KCNAB2: variants seen among roughly 807,000 people sequenced by gnomAD.
KCNAB2 encodes voltage-gated potassium channel subunit beta-2.
KCNAB2 carries 29 observed loss-of-function variants against 63.6 expected under a neutral mutation model. That is an observed-to-expected ratio of 0.46 (90% confidence interval 0.34 to 0.62). KCNAB2 has a LOEUF of 0.62. Among genes scored for constraint, KCNAB2 ranks in the 20% least tolerant of loss-of-function variants. KCNAB2 has a pLI of 0.01. For synonymous variants in KCNAB2, 222 were observed against 224.2 expected, an observed-to-expected ratio of 0.99 and a Z score of 0.09; for missense variants, 359 against 563.9, an observed-to-expected ratio of 0.64 and a Z score of 3.68.
intron 10 of KCNAB2, among the ~76,000 whole-genome samples, chr1:6,092,371 G>T (rs945145767): frequency 6.6e-6 from 1 of 152,346 alleles, no homozygotes; most frequent in African/African-American, 2.4e-5. Context: ...CGTCAGCCCC[G>T]TCTCTCCATC....
At chr1:6,090,522 G>A in intron 9 of KCNAB2, 47 bp downstream of exon 9, 1 of 1,471,226 alleles carries the variant, frequency 6.8e-7, no homozygotes, top group Non-Finnish European at 9.4e-7. Flanking sequence ...GGCGGGGTCT[G>A]AAGGGTCTGA....
chr1:6,032,419 A>C (rs953453069), upstream of KCNAB2, among the ~76,000 whole-genome samples: 1 of 152,168 alleles, frequency 6.6e-6, no homozygotes, highest in Middle Eastern at 3.2e-3. Flanking sequence ...TCTACTAAAA[A>C]TACAAGAATT....
In KCNAB2 at chr1:6,028,955, G is replaced by A. The variant is rs1470935624; in HGVS notation, c.-52-11562G>A. On this transcript the variant is annotated intron_variant, in intron 1 of 16. Coordinates refer to the KCNAB2 transcript ENST00000341524. This position sits in a 1 kb window ranked among gnomAD's most constrained non-coding sequence, Gnocchi z 4.0. ...GGATGCAGCCACAGAAAGCCTAAGC[G>A]CCACAAGTCCCGCCATGACGCCCTG... is the stretch of plus-strand genomic sequence containing the variant. 1.3e-5 allele frequency among the ~76,000 whole-genome samples: 2 copies of A among 152,192 alleles called. No homozygotes were observed. The highest frequency in any genetic ancestry group is 4.8e-5 in the African/African-American group (2 of 41,436).
At chr1:6,052,495 G>A (rs1294506120) in intron 2 of KCNAB2, among the ~76,000 whole-genome samples, 7 of 152,048 alleles carry the variant, frequency 4.6e-5, no homozygotes, top group Non-Finnish European at 7.3e-5. Context: ...TCTCCATGGG[G>A]AAAAATGTGT....
chr1:6,018,800 C>G (rs1188823976), intron 1 of KCNAB2: 1 of 152,136 alleles, frequency 6.6e-6, no homozygotes, highest in Non-Finnish European at 1.5e-5. Flanking sequence ...CCTCCAGCAC[C>G]GTGAGACAGA....
intron 1 of KCNAB2, among the ~76,000 whole-genome samples, chr1:6,009,321 G>T (rs111680217): frequency 1.8e-3 from 279 of 152,356 alleles, no homozygotes; most frequent in African/African-American, 6.3e-3. Context: ...CCAGCAGATC[G>T]CTGGGTACAT....
At chr1:6,002,341 A>G (rs1397739232) in intron 1 of KCNAB2, among the ~76,000 whole-genome samples, 1 of 152,254 alleles carries the variant, frequency 6.6e-6, no homozygotes, top group East Asian at 1.9e-4. Flanking sequence ...GCAGTGCCCA[A>G]GGGAGGCCAG....
At chr1:6,012,699 A>T (rs1658256974) in intron 1 of KCNAB2, among the ~76,000 whole-genome samples, 1 of 150,004 alleles carries the variant, frequency 6.7e-6, no homozygotes, top group Non-Finnish European at 1.5e-5. Flanking sequence ...GGTGGAGGTG[A>T]TGAAGGTGGA....
chr1:6,073,242 C>G lies in KCNAB2; in HGVS notation c.262+444C>G, dbSNP rs1054405479. Among the ~76,000 whole-genome samples the G allele has an allele frequency of 6.6e-6, 1 of 152,100 alleles. No homozygotes were observed. Among genetic ancestry groups the G allele is most frequent in the Non-Finnish European group, 1.5e-5 (1 of 68,012 alleles). ...TCCAGAATGTGCAGTCCCCACCTCC[C>G]CTCTGCATGCAGTACACACACCCCC... On this transcript the variant is annotated intron_variant, in intron 3 of 15. Coordinates refer to ENST00000378083, the MANE Select transcript of KCNAB2 (RefSeq NM_001199862.2). The surrounding 1 kb of genome is among the most constrained non-coding windows in gnomAD (Gnocchi z 5.7).
At chr1:6,084,999 G>C (rs991485516) in intron 5 of KCNAB2, among the ~76,000 whole-genome samples, 20 of 152,160 alleles carry the variant, frequency 1.3e-4, no homozygotes, top group African/African-American at 3.9e-4. Flanking sequence ...CCATCCTAGT[G>C]GGGGGCAATA....
intron 1 of KCNAB2, among the ~76,000 whole-genome samples, chr1:5,999,239 G>A (rs79884171): frequency 0.045 from 6,822 of 152,268 alleles, 251 homozygotes; most frequent in African/African-American, 0.1. Flanking sequence ...GGGCCTGGGT[G>A]GGCCGAGGGT....
At chr1:6,016,290 T>C (rs1386678467) in intron 1 of KCNAB2, among the ~76,000 whole-genome samples, 1 of 152,070 alleles carries the variant, frequency 6.6e-6, no homozygotes, top group Non-Finnish European at 1.5e-5. Context: ...GAGGGGTGGG[T>C]GGGACTCCAC....
chr1:6,079,213 T>A (rs1289909856), intron 4 of KCNAB2, among the ~76,000 whole-genome samples: 1 of 143,966 alleles, frequency 6.9e-6, no homozygotes, highest in African/African-American at 2.6e-5. Context: ...CCACCCACTC[T>A]CTCCTTGCCT....
chr1:6,083,974 C>T (rs966753759), intron 5 of KCNAB2, among the ~76,000 whole-genome samples: 2 of 152,208 alleles, frequency 1.3e-5, no homozygotes, highest in East Asian at 1.9e-4. Flanking sequence ...CTCCTCCTTT[C>T]CTGATCCCCA....
rs774323815 is a variant in KCNAB2, at chr1:6,090,410, G to A, written c.536G>A (p.Arg179Gln). The change falls in exon 9 of 16, where the codon CGA becomes CAA. Residue 179 changes from arginine to glutamine, a missense_variant. Physicochemically the swap from Arg to Gln is conservative, Grantham distance 43 (BLOSUM62 1). Transcript: ENST00000378083. The part of the protein sequence containing the change: ...IIEGLKASLE[R>Q]LQLEYVDVVF... ...CCAGGTCTGAAAGCTTCCCTGGAGC[G>A]ACTGCAGCTGGAGTACGTGGATGTG... is the stretch of plus-strand genomic sequence containing the variant. 3 of 1,613,814 alleles carry A rather than the reference G, an allele frequency of 1.9e-6. No homozygotes were observed. The highest frequency in any genetic ancestry group is 2.5e-6 in the Non-Finnish European group (3 of 1,179,950).
At chr1:6,085,547 G>A (rs1460541728) in intron 6 of KCNAB2, among the ~76,000 whole-genome samples, 1 of 152,116 alleles carries the variant, frequency 6.6e-6, no homozygotes, top group Non-Finnish European at 1.5e-5. Context: ...AAAGTGTCAG[G>A]CCAAAAAGAG....
chr1:6,027,123 G>A (rs926155012), intron 1 of KCNAB2, among the ~76,000 whole-genome samples: 3 of 152,160 alleles, frequency 2.0e-5, no homozygotes, highest in South Asian at 2.1e-4. Context: ...GGCTTCCTGC[G>A]TCCCCTCTCA....
In KCNAB2 at chr1:6,046,125, T is replaced by A. The variant is rs1570946039; in HGVS notation, c.-85T>A. On this transcript the variant is annotated 5_prime_UTR_variant, in exon 1 of 16. Transcript: ENST00000378083. ...TGTGCCAGATCCTTAGAGTGTCTGG[T>A]GATCCCTAATAAACCAGACTGTGGC... The A allele has an allele frequency of 1.0e-6, 1 of 985,280 alleles. No homozygotes were observed. 61.0% of individuals were successfully genotyped at this position (985,280 alleles called of 1,614,324 possible).
upstream of KCNAB2, among the ~76,000 whole-genome samples, chr1:6,044,712 A>G (rs1430618557): frequency 6.6e-6 from 1 of 152,202 alleles, no homozygotes. Flanking sequence ...GCCTGGTAGC[A>G]GGGAGTAAGA....
Sources: gnomAD v4.1 joint callset for allele counts (sites outside exome capture counted in the v4.1 genomes callset) on GRCh38, gnomAD v4.1.1 for gene constraint, Gnocchi (gnomAD v3.1) non-coding constraint, MANE v1.5 for transcripts, NCBI Gene and HGNC (gene_info 2026-07-23, HGNC 2026-07-21) for gene names.